Variants in BAZ2B observed in about 807,000 individuals in gnomAD.
BAZ2B encodes bromodomain adjacent to zinc finger domain 2B, also known as bromodomain adjacent to zinc finger domain protein 2B.
A neutral mutation model predicts 246.0 loss-of-function variants in BAZ2B; 91 were observed. The ratio of observed to expected loss-of-function variants is 0.37; its 90% CI spans 0.31 to 0.44. The LOEUF (loss-of-function observed/expected upper bound fraction) is 0.44, where lower values mean the gene tolerates loss of function less well. BAZ2B is among the 20% of genes least tolerant of loss of function. BAZ2B has a pLI of 1.00. For synonymous variants in BAZ2B, 855 were observed against 860.0 expected (o/e 0.99, Z 0.10); for missense variants, 2,332 against 2,533.7 (o/e 0.92, Z 1.71).
intron 27 of BAZ2B, among the ~76,000 whole-genome samples, chr2:159,371,184 C>A (rs943735931): frequency 6.6e-6 from 1 of 152,008 alleles, no homozygotes. Flanking sequence ...GCTCTGCCAC[C>A]CAGGCTGGAG....
chr2:159,319,297 C>T lies in BAZ2B; in HGVS notation c.*968G>A, dbSNP rs1322680878. 2.6e-5 allele frequency: 4 copies of T among 152,592 alleles called. No homozygotes were observed. The highest frequency in any genetic ancestry group is 9.7e-5 in the African/African-American group (4 of 41,426). The allele number at this position is 152,592 out of a possible 1,614,324, so 9.5% of individuals were successfully genotyped here. A position where few individuals can be genotyped will look rare whatever the true frequency, so the allele number is the denominator to read the frequency against. On this transcript the variant is annotated 3_prime_UTR_variant, in exon 37 of 37. Transcript: ENST00000392783. The surrounding 1 kb of genome is among the most constrained non-coding windows in gnomAD (Gnocchi z 4.0). ...TTCCACATGGATACAAATGATTATA[C>T]TTTAATTTAGGCCCTGGTGGCTTAA...
chr2:159,412,580 C>T, intron 13 of BAZ2B, 35 bp from the exon 14 acceptor site: 1 of 1,550,716 alleles, frequency 6.4e-7, no homozygotes, highest in Non-Finnish European at 8.8e-7. Context: ...TAATATATTA[C>T]AAACAAAATA....
At chr2:159,372,753 A>T (rs2060989901) in intron 27 of BAZ2B, among the ~76,000 whole-genome samples, 1 of 152,190 alleles carries the variant, frequency 6.6e-6, no homozygotes, top group Non-Finnish European at 1.5e-5. Context: ...AGAAAGAGAA[A>T]TGGAGCAGCA....
chr2:159,697,897 G>C, the BAZ2B span, among the ~76,000 whole-genome samples: 2 of 152,126 alleles, frequency 1.3e-5, no homozygotes, highest in Non-Finnish European at 2.9e-5. Context: ...ATGCGGGTTA[G>C]AGTTGAGTAA....
At chr2:159,700,133 A>C in the BAZ2B span, among the ~76,000 whole-genome samples, 1 of 152,188 alleles carries the variant, frequency 6.6e-6, no homozygotes, top group Non-Finnish European at 1.5e-5. Flanking sequence ...ATTTTGGAGG[A>C]CATTCAGACC....
chr2:159,645,073 G>A, the BAZ2B span, among the ~76,000 whole-genome samples: 1 of 151,996 alleles, frequency 6.6e-6, no homozygotes, highest in African/African-American at 2.4e-5. Flanking sequence ...CCAGGAGTTC[G>A]AGACCAGCCT....
chr2:159,596,390 G>A (rs1690715866), intron 1 of BAZ2B, among the ~76,000 whole-genome samples: 1 of 152,094 alleles, frequency 6.6e-6, no homozygotes, highest in Admixed American at 6.6e-5. Context: ...TTAGAAGCAC[G>A]GCCCTAAAGT....
In BAZ2B at chr2:159,349,915, C is replaced by T; in HGVS notation, c.4656G>A (p.Leu1552=). 6.2e-7 allele frequency: 1 copy of T among 1,614,154 alleles called. No individual in the cohort carries two copies. Among genetic ancestry groups the T allele is most frequent in the Non-Finnish European group, 8.5e-7 (1 of 1,180,006 alleles). Residue 1552 remains leucine (L), a synonymous_variant, in exon 28 of 37, where the codon CTG becomes CTA. Transcript: ENST00000392783. ...TAAACCATTGTCTATTCTTTTCAGT[C>T]AGCGTTTTTAGTAACTGGTCATTGG... ...PLPNDQLLKT[L]TEKNRQWFSL...
chr2:159,410,579 T>C (rs145974056), intron 14 of BAZ2B, among the ~76,000 whole-genome samples: 90 of 152,306 alleles, frequency 5.9e-4, no homozygotes, highest in South Asian at 1.2e-3. Context: ...TCCCCAGCCA[T>C]GCGAAACTGT....
intron 13 of BAZ2B, among the ~76,000 whole-genome samples, chr2:159,426,828 C>T (rs1457165493): frequency 6.6e-5 from 10 of 151,988 alleles, no homozygotes; most frequent in Admixed American, 6.6e-4. Context: ...ATGAGGGAGA[C>T]CTTTTCCATT....
intron 22 of BAZ2B, 132 bp downstream of exon 22, chr2:159,386,218 TCTA>T: frequency 9.9e-7 from 1 of 1,012,564 alleles, no homozygotes; most frequent in Non-Finnish European, 1.4e-6. Context: ...CTGACACAAA[TCTA>T]CAGTTAACTT....
At position 159,412,494 on chromosome 2, in the gene BAZ2B, C is replaced by T; in HGVS notation, c.2518G>A (p.Ala840Thr). The change falls in exon 14 of 37, where the codon GCA becomes ACA. Residue 840 changes from alanine to threonine, a missense_variant. Physicochemically the swap from Ala to Thr is moderately conservative, Grantham distance 58. Around this residue, in one of 9 missense-constraint regions of BAZ2B, gnomAD observed 651 missense variants for 650.9 expected, o/e 1.00. Transcript: ENST00000392783. ...KEEDVIPRIR[A>T]MEGRRGRPPN... ...GGTCTTCCTCTACGACCTTCCATTG[C>T]CCTGATACGAGGAATGACATCCTCT... 6.2e-7 allele frequency: 1 copy of T among 1,614,084 alleles called. No homozygotes were observed. Among genetic ancestry groups the T allele is most frequent in the Non-Finnish European group, 8.5e-7 (1 of 1,179,976 alleles).
the BAZ2B span, among the ~76,000 whole-genome samples, chr2:159,672,454 G>C: frequency 6.6e-6 from 1 of 152,106 alleles, no homozygotes; most frequent in Admixed American, 6.6e-5. Context: ...AAGATAAAAA[G>C]AAGAAGATAA....
chr2:159,620,330 T>G (rs1334796065), upstream of BAZ2B, among the ~76,000 whole-genome samples: 1 of 152,246 alleles, frequency 6.6e-6, no homozygotes, highest in Non-Finnish European at 1.5e-5. Context: ...AAGCTTTATT[T>G]GTTTTCATTC....
At chr2:159,687,615 T>A in the BAZ2B span, among the ~76,000 whole-genome samples, 2 of 152,254 alleles carry the variant, frequency 1.3e-5, no homozygotes, top group Non-Finnish European at 2.9e-5. Context: ...TCACCCTATA[T>A]GCCTCTTTAT....
intron 2 of BAZ2B, among the ~76,000 whole-genome samples, chr2:159,480,460 A>C (rs1420338771): frequency 6.6e-6 from 1 of 152,142 alleles, no homozygotes; most frequent in Non-Finnish European, 1.5e-5. Flanking sequence ...TAAAGTAAGG[A>C]AAATCAAGAA....
chr2:159,424,806 A>T (rs1026822188), intron 13 of BAZ2B, among the ~76,000 whole-genome samples: 1 of 152,234 alleles, frequency 6.6e-6, no homozygotes, highest in Non-Finnish European at 1.5e-5. Flanking sequence ...GATTACTTAT[A>T]ATAGTAAACA....
chr2:159,448,215 G>A, intron 5 of BAZ2B, 27 bp downstream of exon 5: 2 of 1,597,158 alleles, frequency 1.3e-6, no homozygotes, highest in South Asian at 1.1e-5. Flanking sequence ...AAGATTTATA[G>A]TACTTCACTT....
At chr2:159,358,279 A>G (rs1165972341) in intron 27 of BAZ2B, among the ~76,000 whole-genome samples, 1 of 152,218 alleles carries the variant, frequency 6.6e-6, no homozygotes, top group African/African-American at 2.4e-5. Flanking sequence ...ATTTACCAAG[A>G]AAATGGAAAG....
Sources: allele counts gnomAD v4.1 joint callset (sites outside exome capture counted in the v4.1 genomes callset), GRCh38; gene constraint gnomAD v4.1.1; regional missense constraint gnomAD v4.1.1; non-coding constraint Gnocchi (gnomAD v3.1); transcripts MANE v1.5; gene names NCBI Gene and HGNC (gene_info 2026-07-23, HGNC 2026-07-21).